The following ELP4 variants were observed in gnomAD, a reference collection of about 807,000 sequenced individuals.
ELP4 encodes elongator complex protein 4.
In ELP4, 51 loss-of-function variants were observed where a neutral mutation model predicts 48.9. The observed-to-expected ratio is 1.04, with a 90% CI of 0.83 to 1.32. The LOEUF is 1.32. Ranked by LOEUF, ELP4 falls within the 40% of genes most tolerant of loss-of-function variation. The pLI is 0.00. For synonymous variants in ELP4, 210 were observed against 189.2 expected, an observed-to-expected ratio of 1.11 and a Z score of -0.90; for missense variants, 519 against 514.6, an observed-to-expected ratio of 1.01 and a Z score of -0.08.
chr11:31,610,745 T>TTAAGTGAATCATCTTGTTCC (rs1194197901), intron 5 of ELP4, among the ~76,000 whole-genome samples: 1 of 152,222 alleles, frequency 6.6e-6, no homozygotes, highest in East Asian at 1.9e-4. Flanking sequence ...GTACACAGAG[T>TTAAGTGAATCATCTTGTTCC]TAAGTGAATC....
At chr11:31,511,904 G>A (rs545044741) in intron 1 of ELP4, 1 of 152,120 alleles carries the variant, frequency 6.6e-6, no homozygotes, top group African/African-American at 2.4e-5. Context: ...AAAAATTACT[G>A]TTCATTAAGA....
chr11:31,537,480 T>C lies in ELP4; in HGVS notation c.260-2182T>C, dbSNP rs1292027503. On this transcript the variant is annotated intron_variant, in intron 2 of 9. Coordinates refer to ENST00000640961, the MANE Select transcript of ELP4 (RefSeq NM_019040.5). The stretch of plus-strand genomic sequence containing the variant: ...CAGATTTCTTTGACTGTTGTATTAG[T>C]CCCTTCTCGCACTGCTCTAAAGAAA... Among the ~76,000 whole-genome samples the C allele has an allele frequency of 3.3e-5, 5 of 152,172 alleles. No homozygotes were observed. The East Asian group carries it at 7.7e-4, about 23-fold the overall frequency.
intron 3 of ELP4, among the ~76,000 whole-genome samples, chr11:31,541,072 T>G (rs534895238): frequency 7.9e-5 from 12 of 152,226 alleles, no homozygotes; most frequent in Non-Finnish European, 1.5e-4. Context: ...ATATTTTAAT[T>G]TTAGTACATA....
intron 5 of ELP4, among the ~76,000 whole-genome samples, chr11:31,607,282 A>G (rs1459462325): frequency 6.6e-6 from 1 of 152,210 alleles, no homozygotes; most frequent in African/African-American, 2.4e-5. Flanking sequence ...TGATGCTATA[A>G]CAAAATACCT....
At chr11:31,705,446 A>G (rs1009928325) in intron 9 of ELP4, among the ~76,000 whole-genome samples, 101 of 152,214 alleles carry the variant, frequency 6.6e-4, no homozygotes, top group Admixed American at 4.4e-3. Flanking sequence ...TTCAAACCAG[A>G]ATACCATATA....
chr11:31,752,044 C>G (rs777441346), intron 9 of ELP4, among the ~76,000 whole-genome samples: 9 of 152,160 alleles, frequency 5.9e-5, no homozygotes, highest in East Asian at 1.9e-4. Context: ...ATTATCAAAA[C>G]TAGATAGGGA....
intron 9 of ELP4, among the ~76,000 whole-genome samples, chr11:31,671,409 T>C (rs78524152): frequency 0.029 from 4,351 of 152,306 alleles, 208 homozygotes; most frequent in African/African-American, 0.099. Flanking sequence ...ATGTGATTAT[T>C]TCATATTACT....
intron 9 of ELP4, among the ~76,000 whole-genome samples, chr11:31,760,955 A>G (rs931551500): frequency 6.6e-6 from 1 of 152,194 alleles, no homozygotes; most frequent in Non-Finnish European, 1.5e-5. Context: ...GTAAGGAACT[A>G]TGGGGCTTAA....
intron 9 of ELP4, among the ~76,000 whole-genome samples, chr11:31,697,176 C>G (rs1279616014): frequency 6.6e-6 from 1 of 152,080 alleles, no homozygotes; most frequent in African/African-American, 2.4e-5. Flanking sequence ...CCTTAGAGAC[C>G]TACAAAGAGA....
intron 9 of ELP4, among the ~76,000 whole-genome samples, chr11:31,680,706 G>T (rs1360769580): frequency 6.6e-6 from 1 of 152,140 alleles, no homozygotes; most frequent in Admixed American, 6.5e-5. Context: ...AATAGAGAAG[G>T]TTGTATTTAA....
chr11:31,790,110 A>AAAAAAC lies in ELP4; in HGVS notation c.*6591_*6592insCAAAAA. ...TTTATAGGTTTACAAAAAAAAAAAA[A>AAAAAAC]AAAAAAAAAACTAATACTTTCTAAC... On this transcript the variant is annotated 3_prime_UTR_variant, in exon 10 of 10. Transcript: ENST00000640961. The AAAAAAC allele has an allele frequency of 2.5e-6, 2 of 799,180 alleles. No individual in the cohort carries two copies. The highest frequency in any genetic ancestry group is 3.6e-5 in the African/African-American group (2 of 54,916). The allele number at this position is 799,180 out of a possible 1,614,324, so 49.5% of individuals were successfully genotyped here.
chr11:31,722,782 A>G (rs1276702135), intron 9 of ELP4, among the ~76,000 whole-genome samples: 3 of 149,836 alleles, frequency 2.0e-5, no homozygotes, highest in Non-Finnish European at 4.4e-5. Context: ...AATTAAGGTC[A>G]TGCTCCTTCA....
rs199942397 is a variant in ELP4 at position 31,509,847 on chromosome 11, C to G, written c.63C>G (p.Ala21=). 8.1e-5 allele frequency: 130 copies of G among 1,614,184 alleles called. No homozygotes were observed. The East Asian group carries it at 2.9e-3, about 35-fold the overall frequency. The change falls in exon 1 of 10, where the codon GCC becomes GCG. Residue 21 remains alanine, a synonymous_variant. Coordinates refer to ENST00000640961, the MANE Select transcript of ELP4 (RefSeq NM_019040.5). ...AASTGSAVAT[A]SKSNVTSFQR... The stretch of plus-strand genomic sequence containing the variant: ...GTACTGGGTCTGCAGTGGCGACAGC[C>G]AGCAAGAGCAACGTCACCAGTTTCC...
chr11:31,530,640 T>C (rs1052590156), intron 2 of ELP4, among the ~76,000 whole-genome samples: 1 of 152,192 alleles, frequency 6.6e-6, no homozygotes, highest in Non-Finnish European at 1.5e-5. Context: ...CTGTTGTTTC[T>C]ATCCACTAGG....
chr11:31,765,965 T>C (rs1565146320), intron 9 of ELP4, among the ~76,000 whole-genome samples: 1 of 152,108 alleles, frequency 6.6e-6, no homozygotes, highest in African/African-American at 2.4e-5. Context: ...TTACAAAAAG[T>C]TAATATTCTT....
At chr11:31,523,063 G>T (rs570891805) in intron 2 of ELP4, among the ~76,000 whole-genome samples, 4 of 150,306 alleles carry the variant, frequency 2.7e-5, no homozygotes, top group African/African-American at 9.8e-5. Context: ...GGTAGAGATA[G>T]GGCCTTGTTA....
intron 9 of ELP4, among the ~76,000 whole-genome samples, chr11:31,755,817 G>T (rs1283189484): frequency 1.3e-5 from 2 of 151,370 alleles, no homozygotes; most frequent in East Asian, 3.9e-4. Flanking sequence ...TATCAAATTG[G>T]TATGTCTGTC....
intron 3 of ELP4, among the ~76,000 whole-genome samples, chr11:31,572,554 G>A (rs1377909775): frequency 3.3e-5 from 5 of 151,792 alleles, no homozygotes; most frequent in East Asian, 1.9e-4. Context: ...TTCTAATTTC[G>A]TTTTCATTTT....
chr11:31,663,827 A>G (rs916471929), intron 9 of ELP4: 1 of 152,026 alleles, frequency 6.6e-6, no homozygotes, highest in Non-Finnish European at 1.5e-5. Context: ...ATATTTTGGC[A>G]TTTTGGTTAG....
Sources: allele counts gnomAD v4.1 joint callset (sites outside exome capture counted in the v4.1 genomes callset), GRCh38; gene constraint gnomAD v4.1.1; transcripts MANE v1.5; gene names NCBI Gene and HGNC (gene_info 2026-07-23, HGNC 2026-07-21).